Variants in CDK5RAP3 observed in about 807,000 individuals in gnomAD.
CDK5RAP3 encodes CDK5 regulatory subunit-associated protein 3.
A neutral mutation model predicts 73.3 loss-of-function variants in CDK5RAP3; 58 were observed. That is an observed-to-expected ratio of 0.79 (90% CI 0.64 to 0.98). CDK5RAP3 has a LOEUF of 0.98. CDK5RAP3 is among the 50% of genes least tolerant of loss of function. The probability of loss-of-function intolerance (pLI) is 0.00; values close to 1 mark genes in which losing one functional copy is unlikely to be tolerated. For missense variants in CDK5RAP3, 525 were observed against 615.8 expected (o/e 0.85, Z 1.56); for synonymous variants, 224 against 247.5 (o/e 0.91, Z 0.89).
upstream of CDK5RAP3, among the ~76,000 whole-genome samples, chr17:47,969,556 C>CAAA (rs36208323): frequency 1.3e-4 from 10 of 79,850 alleles, no homozygotes; most frequent in Non-Finnish European, 1.5e-4. Context: ...GACTCCGTCT[C>CAAA]AAAAAAAAAA....
At chr17:47,971,241 G>C in intron 1 of CDK5RAP3, 89 bp downstream of exon 1, 2 of 1,534,224 alleles carry the variant, frequency 1.3e-6, no homozygotes, top group South Asian at 2.4e-5. Flanking sequence ...GCTCAACCCA[G>C]CCCATCGCTC....
chr17:47,976,776 A>G lies in CDK5RAP3; in HGVS notation c.863A>G (p.Glu288Gly), dbSNP rs764065302. The G allele has an allele frequency of 6.8e-6, 11 of 1,612,038 alleles. No individual in the cohort carries two copies. Among genetic ancestry groups the G allele is most frequent in the Non-Finnish European group, 9.3e-6 (11 of 1,179,094 alleles). The change falls in exon 9 of 14, where the codon GAG (glutamate) becomes GGG (glycine). Residue 288 changes from glutamate to glycine, a missense_variant. Glu to Gly is a moderately conservative substitution (Grantham distance 98, BLOSUM62 -2). Coordinates refer to ENST00000338399, the MANE Select transcript of CDK5RAP3 (RefSeq NM_176096.3). ...SEGTDSGISA[E>G]AAGIDWGIFP... Reference sequence around the variant, plus strand: ...GGGACTGACTCTGGCATCTCTGCCGAGGCTGCTGGAATCGACTGGGGCATC... The same window carrying G: ...GGGACTGACTCTGGCATCTCTGCCGGGGCTGCTGGAATCGACTGGGGCATC...
At chr17:47,971,517 G>A in intron 2 of CDK5RAP3, 110 bp downstream of exon 2, 1 of 1,065,678 alleles carries the variant, frequency 9.4e-7, no homozygotes, top group South Asian at 1.6e-5. Context: ...TCGAGATGCT[G>A]ACCACTGGCC....
chr17:47,972,875 G>A (rs2036302697), intron 2 of CDK5RAP3, among the ~76,000 whole-genome samples: 1 of 152,128 alleles, frequency 6.6e-6, no homozygotes, highest in Non-Finnish European at 1.5e-5. Flanking sequence ...ACTTGATAAC[G>A]AGAACCCAGG....
intron 2 of CDK5RAP3, among the ~76,000 whole-genome samples, chr17:47,972,093 G>GAAA (rs11448169): frequency 3.4e-5 from 5 of 146,076 alleles, no homozygotes; most frequent in African/African-American, 7.6e-5. Context: ...ATTATGCCAG[G>GAAA]AAAAAAAAAA....
At chr17:47,978,012 C>A in intron 10 of CDK5RAP3, 102 bp downstream of exon 10, 5 of 762,608 alleles carry the variant, frequency 6.6e-6, no homozygotes, top group East Asian at 2.7e-5. Context: ...GCTTCTTGCA[C>A]ATTTAACTGT....
chr17:47,970,486 C>T, upstream of CDK5RAP3: 1 of 629,888 alleles, frequency 1.6e-6, no homozygotes, highest in Non-Finnish European at 2.8e-6. Context: ...CCACCTAAAA[C>T]TCCTCTTCCC....
Position 47,975,314 on chromosome 17 carries a change from T to G in CDK5RAP3, c.490T>G (p.Ser164Ala). The G allele has an allele frequency of 1.2e-6, 2 of 1,614,100 alleles. No individual in the cohort carries two copies. Among genetic ancestry groups the G allele is most frequent in the Non-Finnish European group, 1.7e-6 (2 of 1,180,016 alleles). ...CGAGATGCGGGAGCAGTTCTACCACTCCTGCAAGCAGTATGGCATCACGGT... is the reference window on the plus strand; with the variant it reads ...CGAGATGCGGGAGCAGTTCTACCACGCCTGCAAGCAGTATGGCATCACGGT... ...AAEMREQFYHSCKQYGITGEN... is the reference protein window; with the variant it reads ...AAEMREQFYHACKQYGITGEN... Residue 164 changes from serine (S) to alanine (A), a missense_variant, in exon 6 of 14, where the codon TCC (serine) becomes GCC (alanine). By Grantham distance (99) the Ser-to-Ala change is moderately conservative (BLOSUM62 1). Transcript: ENST00000338399.
chr17:47,970,981 T>C, upstream of CDK5RAP3: 1 of 1,469,574 alleles, frequency 6.8e-7, no homozygotes, highest in Admixed American at 2.4e-5. Flanking sequence ...TGGGCGGGGC[T>C]TGAGGCCTGA....
intron 2 of CDK5RAP3, among the ~76,000 whole-genome samples, 187 bp downstream of exon 2, chr17:47,971,594 A>G (rs1312462779): frequency 6.6e-6 from 1 of 152,226 alleles, no homozygotes; most frequent in East Asian, 1.9e-4. Context: ...CCATATGTAC[A>G]GTCTGTTTGA....
chr17:47,978,491 C>A, intron 10 of CDK5RAP3: 1 of 279,548 alleles, frequency 3.6e-6, no homozygotes, highest in Non-Finnish European at 6.9e-6. Flanking sequence ...TGACATGACC[C>A]CCGCCCCAAC....
chr17:47,971,080 C>T (rs1276728497), upstream of CDK5RAP3: 2 of 1,550,954 alleles, frequency 1.3e-6, no homozygotes, highest in East Asian at 2.4e-5. Context: ...TCGGCCACAA[C>T]GCCACTGGAT....
intron 9 of CDK5RAP3, 35 bp from the exon 10 acceptor site, chr17:47,977,796 TC>T (rs1325058260): frequency 6.4e-7 from 1 of 1,574,376 alleles, no homozygotes; most frequent in Non-Finnish European, 8.7e-7. Context: ...AGGAAAATTC[TC>T]CCCCCATTGC....
At chr17:47,976,480 C>T in intron 8 of CDK5RAP3, 1 of 435,466 alleles carries the variant, frequency 2.3e-6, no homozygotes, top group East Asian at 5.1e-5. Context: ...CCAAGTCAGC[C>T]TCCAAGATAG....
intron 11 of CDK5RAP3, chr17:47,980,168 T>C (rs2036517803): frequency 4.5e-6 from 1 of 222,340 alleles, no homozygotes; most frequent in African/African-American, 2.3e-5. Flanking sequence ...GGAAACTCCT[T>C]ACCCAGAGTC....
Position 47,971,379 on chromosome 17 carries a change from C to G in CDK5RAP3, c.24C>G (p.Pro8=). MEDHQHV[P]IDIQTSKLLD... is the part of the protein sequence containing the mutation. Reference sequence around the variant, plus strand: ...CCCGCCAGGACCATCAGCACGTGCCCATCGACATCCAGACCAGCAAGCTGC... The same window carrying G: ...CCCGCCAGGACCATCAGCACGTGCCGATCGACATCCAGACCAGCAAGCTGC... Residue 8 remains proline, a synonymous_variant, in exon 2 of 14, where the codon CCC becomes CCG. Transcript: ENST00000338399. 3 of 1,610,212 alleles carry G rather than the reference C, an allele frequency of 1.9e-6. No homozygotes were observed. In the South Asian group the frequency reaches 3.3e-5, roughly 18 times the overall value.
chr17:47,970,773 T>C (rs750999689), upstream of CDK5RAP3: 2 of 1,498,076 alleles, frequency 1.3e-6, no homozygotes, highest in African/African-American at 1.4e-5. Context: ...CCAGCAGACG[T>C]CTCAATCTGC....
At chr17:47,979,060 G>A in intron 11 of CDK5RAP3, 143 bp downstream of exon 11, 1 of 652,272 alleles carries the variant, frequency 1.5e-6, no homozygotes, top group South Asian at 1.8e-5. Flanking sequence ...TCACGTATTA[G>A]ATGCCTCCTA....
At position 47,978,631 on chromosome 17, in the gene CDK5RAP3, G is replaced by A. The variant is rs114567780; in HGVS notation, c.989-198G>A. The A allele has an allele frequency of 7.5e-4, 426 of 571,494 alleles. 2 individuals are homozygous for A. Among genetic ancestry groups the A allele is most frequent in the African/African-American group, 6.8e-3 (365 of 53,356 alleles). 35.4% of individuals were successfully genotyped at this position (571,494 alleles called of 1,614,324 possible). A position where few individuals can be genotyped will look rare whatever the true frequency, so the allele number is the denominator to read the frequency against. On this transcript the variant is annotated intron_variant, in intron 10 of 13. Transcript: ENST00000338399. ...GAACCCAGCTCTGGTCCTCCTCTCAGTCTGGGAGTTGGAAAGTGGTACCTG... is the reference window on the plus strand; with the variant it reads ...GAACCCAGCTCTGGTCCTCCTCTCAATCTGGGAGTTGGAAAGTGGTACCTG...
Sources: gnomAD v4.1 joint callset for allele counts (sites outside exome capture counted in the v4.1 genomes callset) on GRCh38, gnomAD v4.1.1 for gene constraint, MANE v1.5 for transcripts, NCBI Gene and HGNC (gene_info 2026-07-23, HGNC 2026-07-21) for gene names.